The following XKR9 variants were observed in gnomAD, a reference collection of about 807,000 sequenced individuals.
XKR9 encodes XK-related protein 9.
Under a neutral mutation model 32.0 loss-of-function variants are expected in XKR9, and 32 were observed. That is an observed-to-expected ratio of 1.00 (90% CI 0.76 to 1.34). XKR9 has a LOEUF of 1.34. Among genes scored for constraint, XKR9 ranks in the 40% most tolerant of loss-of-function variants. XKR9 has a pLI of 0.00. For missense variants in XKR9, 546 were observed against 429.7 expected (o/e 1.27, Z -2.39); for synonymous variants, 168 against 143.4 (o/e 1.17, Z -1.22).
chr8:70,723,053 C>G (rs1162839935), intron 4 of XKR9, among the ~76,000 whole-genome samples: 1 of 151,824 alleles, frequency 6.6e-6, no homozygotes, highest in Non-Finnish European at 1.5e-5. Flanking sequence ...AGTTGATCTT[C>G]AAACTCTGAT....
chr8:70,921,088 G>A, the XKR9 span, among the ~76,000 whole-genome samples: 2 of 152,176 alleles, frequency 1.3e-5, no homozygotes, highest in Non-Finnish European at 2.9e-5. Flanking sequence ...CTTAATAAAT[G>A]CAAGTCCTAA....
At chr8:70,682,794 C>A (rs1819129124) in intron 3 of XKR9, among the ~76,000 whole-genome samples, 1 of 152,160 alleles carries the variant, frequency 6.6e-6, no homozygotes, top group East Asian at 1.9e-4. Context: ...CTTTTAGCCT[C>A]TATGGTGTAG....
chr8:70,816,254 C>G, the XKR9 span, among the ~76,000 whole-genome samples: 1 of 152,140 alleles, frequency 6.6e-6, no homozygotes, highest in Middle Eastern at 3.2e-3. Context: ...AAAGGACAAC[C>G]TTTTCAATAA....
chr8:70,967,312 G>A, the XKR9 span, among the ~76,000 whole-genome samples: 49 of 151,894 alleles, frequency 3.2e-4, no homozygotes, highest in Non-Finnish European at 6.0e-4. Flanking sequence ...CTCGTGATTC[G>A]CCCACCTCGG....
intron 3 of XKR9, among the ~76,000 whole-genome samples, chr8:70,695,480 A>G (rs942119102): frequency 6.6e-6 from 1 of 151,864 alleles, no homozygotes; most frequent in Non-Finnish European, 1.5e-5. Context: ...TTCTAGCTTC[A>G]TCCACATCCC....
chr8:70,785,722 T>G (rs1429917807), intron 2 of XKR9, among the ~76,000 whole-genome samples: 1 of 97,602 alleles, frequency 1.0e-5, no homozygotes, highest in Non-Finnish European at 2.4e-5. Context: ...TTTTTTGCTC[T>G]CTCTCTCTCT....
the XKR9 span, among the ~76,000 whole-genome samples, chr8:71,062,795 T>G: frequency 6.6e-6 from 1 of 152,064 alleles, no homozygotes; most frequent in African/African-American, 2.4e-5. Context: ...TAGGAATGAT[T>G]TTTTTCTAAT....
chr8:71,027,782 G>GA, the XKR9 span, among the ~76,000 whole-genome samples: 1 of 48,310 alleles, frequency 2.1e-5, no homozygotes, highest in African/African-American at 6.1e-5. Flanking sequence ...TTTTTGGCGG[G>GA]GGGGGGGGGT....
At chr8:70,843,679 G>A in the XKR9 span, among the ~76,000 whole-genome samples, 3 of 152,106 alleles carry the variant, frequency 2.0e-5, no homozygotes, top group Admixed American at 2.0e-4. Flanking sequence ...GAAAGACCAC[G>A]AGTGGTTCAC....
chr8:70,900,287 G>A, the XKR9 span, among the ~76,000 whole-genome samples: 1 of 152,066 alleles, frequency 6.6e-6, no homozygotes, highest in Admixed American at 6.6e-5. Context: ...ATGCAAAAAT[G>A]GTGAATTAAA....
chr8:70,883,330 G>T, the XKR9 span, among the ~76,000 whole-genome samples: 1 of 152,010 alleles, frequency 6.6e-6, no homozygotes, highest in African/African-American at 2.4e-5. Context: ...TGGCTGAGTA[G>T]TATTCCTTGG....
the XKR9 span, among the ~76,000 whole-genome samples, chr8:70,984,337 C>A: frequency 6.6e-6 from 1 of 152,218 alleles, no homozygotes; most frequent in Non-Finnish European, 1.5e-5. Flanking sequence ...ATGATCACCT[C>A]TGAAGTCTTA....
At chr8:70,769,604 A>G (rs1278901399) in intron 2 of XKR9, among the ~76,000 whole-genome samples, 1 of 152,012 alleles carries the variant, frequency 6.6e-6, no homozygotes, top group Non-Finnish European at 1.5e-5. Flanking sequence ...TTTTTCATGT[A>G]GTCCCATATT....
chr8:70,766,403 G>C (rs12680166), intron 2 of XKR9, among the ~76,000 whole-genome samples: 61,132 of 151,430 alleles, frequency 0.4, 13,822 homozygotes, highest in Non-Finnish European at 0.52. Flanking sequence ...TTGACTCTGT[G>C]TATTATTGTG....
the XKR9 span, among the ~76,000 whole-genome samples, chr8:71,053,852 A>C: frequency 1.7e-3 from 263 of 152,264 alleles, 1 homozygote; most frequent in African/African-American, 6.0e-3. Flanking sequence ...TACTGGCTGC[A>C]TATGCTTCTC....
intron 2 of XKR9, among the ~76,000 whole-genome samples, chr8:70,676,348 A>G (rs376546424): frequency 6.6e-6 from 1 of 152,218 alleles, no homozygotes; most frequent in African/African-American, 2.4e-5. Flanking sequence ...GTAGGGACAT[A>G]TATTCAGATT....
the XKR9 span, among the ~76,000 whole-genome samples, chr8:70,985,253 A>G: frequency 2.6e-5 from 4 of 152,196 alleles, no homozygotes; most frequent in African/African-American, 9.7e-5. Context: ...GAGTGAGAAC[A>G]TGCAGTGTTT....
the XKR9 span, among the ~76,000 whole-genome samples, chr8:70,889,162 C>A: frequency 1.3e-5 from 2 of 151,400 alleles, no homozygotes; most frequent in African/African-American, 2.4e-5. Context: ...CAAGATCTTT[C>A]ACCTCCTTAA....
In XKR9 at chr8:70,673,689, C is replaced by T. The variant is rs193182432; in HGVS notation, c.-360-1129C>T. Among the ~76,000 whole-genome samples, 101 of 151,968 alleles carry T rather than the reference C, an allele frequency of 6.6e-4. 1 individual carries two copies. In the East Asian group the frequency reaches 0.017, roughly 25 times the overall value. The stretch of plus-strand genomic sequence containing the variant: ...CCGAGGCAGGAGAATCACTTGAACC[C>T]AGGAGGCGGAGGTTGCAGTGAGCTG... On this transcript the variant is annotated intron_variant, in intron 1 of 4. Transcript: ENST00000408926.
Sources: gnomAD v4.1 joint callset for allele counts (sites outside exome capture counted in the v4.1 genomes callset) on GRCh38, gnomAD v4.1.1 for gene constraint, MANE v1.5 for transcripts, NCBI Gene and HGNC (gene_info 2026-07-23, HGNC 2026-07-21) for gene names.